The following CMSS1 variants were observed in gnomAD, a reference collection of about 807,000 sequenced individuals.
CMSS1 encodes the protein protein CMSS1.
In CMSS1, 33 loss-of-function variants were observed where a neutral mutation model predicts 43.5. That is an observed-to-expected ratio of 0.76 (90% confidence interval 0.57 to 1.01). The LOEUF (loss-of-function observed/expected upper bound fraction) is 1.01, where lower values mean the gene tolerates loss of function less well. Among genes scored for constraint, CMSS1 ranks in the 50% least tolerant of loss-of-function variants. CMSS1 has a pLI of 0.00. For missense variants in CMSS1, 313 were observed against 326.4 expected (o/e 0.96, Z 0.32); for synonymous variants, 115 against 117.2 (o/e 0.98, Z 0.12).
At chr3:100,055,179 G>A (rs897208040) in intron 1 of CMSS1, among the ~76,000 whole-genome samples, 2 of 152,056 alleles carry the variant, frequency 1.3e-5, no homozygotes, top group East Asian at 1.9e-4. Context: ...AGTTCTCCTC[G>A]TCCTACTCTT....
intron 1 of CMSS1, among the ~76,000 whole-genome samples, chr3:100,020,384 C>A (rs1050120724): frequency 6.6e-6 from 1 of 152,184 alleles, no homozygotes. Context: ...AAAATCTGTA[C>A]ATGTTTGCAC....
intron 1 of CMSS1, chr3:100,011,581 T>G (rs1200149014): frequency 1.3e-5 from 2 of 152,218 alleles, no homozygotes; most frequent in African/African-American, 2.4e-5. Context: ...ATATTAGCAC[T>G]TATTGTTGCT....
chr3:99,970,426 T>G (rs1708779469), intron 1 of CMSS1, among the ~76,000 whole-genome samples: 2 of 152,232 alleles, frequency 1.3e-5, no homozygotes, highest in South Asian at 2.1e-4. Flanking sequence ...ATGAATGTGG[T>G]TCACTAGTCA....
intron 1 of CMSS1, among the ~76,000 whole-genome samples, chr3:99,989,541 C>T (rs1709450295): frequency 6.6e-6 from 1 of 152,254 alleles, no homozygotes; most frequent in East Asian, 1.9e-4. Flanking sequence ...TATCTTAGTC[C>T]TCCTGTTCCT....
intron 1 of CMSS1, among the ~76,000 whole-genome samples, chr3:100,106,238 T>C (rs1222306625): frequency 6.6e-6 from 1 of 152,034 alleles, no homozygotes; most frequent in Non-Finnish European, 1.5e-5. Context: ...TGAGCAGAGG[T>C]GCAAGCTTCC....
At chr3:100,172,167 C>G in intron 7 of CMSS1, 149 bp from the exon 8 acceptor site, 1 of 685,832 alleles carries the variant, frequency 1.5e-6, no homozygotes, top group Non-Finnish European at 2.5e-6. Context: ...TAGGGATATG[C>G]TCATCTCTGC....
intron 6 of CMSS1, among the ~76,000 whole-genome samples, chr3:100,169,506 A>G (rs943437439): frequency 2.0e-5 from 3 of 152,256 alleles, no homozygotes; most frequent in African/African-American, 7.2e-5. Flanking sequence ...AGTTATTTAC[A>G]TCTGTTTTTT....
intron 1 of CMSS1, among the ~76,000 whole-genome samples, chr3:99,998,858 C>T (rs746599542): frequency 4.6e-5 from 7 of 152,152 alleles, no homozygotes; most frequent in Non-Finnish European, 8.8e-5. Context: ...CGTGAGCCAC[C>T]GCGCCCGGCC....
intron 1 of CMSS1, among the ~76,000 whole-genome samples, chr3:99,837,547 T>G (rs950206703): frequency 6.6e-6 from 1 of 152,162 alleles, no homozygotes; most frequent in Non-Finnish European, 1.5e-5. Flanking sequence ...ATTATTGTAT[T>G]GTGAGGGGAG....
rs35047568 is a variant in CMSS1, at chr3:100,013,214, GTGTTGT to G, written c.65-133718_65-133713del. Among the ~76,000 whole-genome samples, 929 of 145,506 alleles carry G rather than the reference GTGTTGT, an allele frequency of 6.4e-3. 2 individuals carry two copies. Among genetic ancestry groups the G allele is most frequent in the East Asian group, 0.027 (124 of 4,638 alleles). The stretch of plus-strand genomic sequence containing the variant: ...AGCAGCCCATTTCAAGGCCAGTGAG[GTGTTGT>G]TGTTGTTGTTGTTGTTGTTGTTGTT... On this transcript the variant is annotated intron_variant, in intron 1 of 9. Coordinates refer to ENST00000421999, the MANE Select transcript of CMSS1 (RefSeq NM_032359.4).
chr3:100,018,677 G>A (rs1710414304), intron 1 of CMSS1, among the ~76,000 whole-genome samples: 1 of 150,144 alleles, frequency 6.7e-6, no homozygotes, highest in Admixed American at 6.6e-5. Context: ...CAAAGCACAG[G>A]CAACTAAAGC....
intron 1 of CMSS1, among the ~76,000 whole-genome samples, chr3:99,942,733 G>A (rs1707887634): frequency 6.6e-6 from 1 of 152,048 alleles, no homozygotes; most frequent in Admixed American, 6.5e-5. Flanking sequence ...GGAGGCTGAG[G>A]CAGGAGAATT....
chr3:100,136,572 G>C (rs1381986382), intron 1 of CMSS1, among the ~76,000 whole-genome samples: 3 of 152,166 alleles, frequency 2.0e-5, no homozygotes, highest in Admixed American at 2.0e-4. Flanking sequence ...CTTTCCTAGT[G>C]AAAGTTGTAA....
chr3:100,017,976 T>C (rs1710393990), intron 1 of CMSS1, among the ~76,000 whole-genome samples: 1 of 152,088 alleles, frequency 6.6e-6, no homozygotes, highest in African/African-American at 2.4e-5. Context: ...GCAAAGACTT[T>C]GAAACTCTGA....
intron 1 of CMSS1, among the ~76,000 whole-genome samples, chr3:99,954,319 ATAT>A (rs1708258771): frequency 6.6e-6 from 1 of 152,206 alleles, no homozygotes; most frequent in Non-Finnish European, 1.5e-5. Flanking sequence ...AGGGAGTATA[ATAT>A]TCATGCTAGA....
chr3:99,847,563 T>C (rs1943423099), intron 1 of CMSS1, among the ~76,000 whole-genome samples: 1 of 152,204 alleles, frequency 6.6e-6, no homozygotes, highest in Non-Finnish European at 1.5e-5. Flanking sequence ...TCTGCTTCTA[T>C]GTGCTCATGA....
At chr3:100,159,989 A>G (rs971618447) in intron 2 of CMSS1, 1 of 448,340 alleles carries the variant, frequency 2.2e-6, no homozygotes, top group Non-Finnish European at 4.5e-6. Flanking sequence ...ATACAAAACA[A>G]TAAACCAGTG....
At chr3:99,979,793 C>T (rs1190952991) in intron 1 of CMSS1, among the ~76,000 whole-genome samples, 1 of 152,144 alleles carries the variant, frequency 6.6e-6, no homozygotes, top group African/African-American at 2.4e-5. Flanking sequence ...AGGGTCCCTC[C>T]TAGTCCTTAA....
Position 100,178,585 on chromosome 3 carries a change from A to G in CMSS1, c.*197A>G. The G allele has an allele frequency of 1.4e-5, 7 of 500,804 alleles. No homozygotes were observed. In the South Asian group the frequency reaches 1.6e-4, roughly 12 times the overall value. 31.0% of individuals were successfully genotyped at this position (500,804 alleles called of 1,614,324 possible). A position where few individuals can be genotyped will look rare whatever the true frequency, so the allele number is the denominator to read the frequency against. ...TGACAACTCTCTTATATAATAAAGT[A>G]TCACCGGCTTGTGTATGATCCTTGT... On this transcript the variant is annotated 3_prime_UTR_variant, in exon 10 of 10. Coordinates refer to ENST00000421999, the MANE Select transcript of CMSS1 (RefSeq NM_032359.4).
Sources: gnomAD v4.1 joint callset for allele counts (sites outside exome capture counted in the v4.1 genomes callset) on GRCh38, gnomAD v4.1.1 for gene constraint, MANE v1.5 for transcripts, NCBI Gene and HGNC (gene_info 2026-07-23, HGNC 2026-07-21) for gene names.